The following CA10 variants were observed in gnomAD, a reference collection of about 807,000 sequenced individuals.
The protein encoded by CA10 is carbonic anhydrase-related protein 10.
CA10 carries 14 observed loss-of-function variants against 44.2 expected under a neutral mutation model. The ratio of observed to expected loss-of-function variants is 0.32; its 90% CI spans 0.21 to 0.50. CA10 has a LOEUF of 0.50. Among genes scored for constraint, CA10 ranks in the 20% least tolerant of loss-of-function variants. The probability of loss-of-function intolerance (pLI) is 0.99; values close to 1 mark genes in which losing one functional copy is unlikely to be tolerated. For missense variants in CA10, 350 were observed against 409.7 expected, an observed-to-expected ratio of 0.85 and a Z score of 1.26; for synonymous variants, 159 against 141.6, an observed-to-expected ratio of 1.12 and a Z score of -0.87.
At chr17:52,088,350 A>T (rs1988173398) in intron 1 of CA10, among the ~76,000 whole-genome samples, 1 of 152,210 alleles carries the variant, frequency 6.6e-6, no homozygotes, top group African/African-American at 2.4e-5. Context: ...TAAATATCAC[A>T]TGCAGTCATT....
At chr17:51,893,161 A>C (rs1378025670) in intron 3 of CA10, among the ~76,000 whole-genome samples, 1 of 152,198 alleles carries the variant, frequency 6.6e-6, no homozygotes, top group Non-Finnish European at 1.5e-5. Flanking sequence ...ACATAAACAA[A>C]TATGTGATAT....
intron 2 of CA10, among the ~76,000 whole-genome samples, chr17:52,007,323 T>C (rs1783728835): frequency 6.6e-6 from 1 of 151,700 alleles, no homozygotes; most frequent in Non-Finnish European, 1.5e-5. Context: ...TACCTGTCTT[T>C]AATGGAAAAA....
intron 2 of CA10, among the ~76,000 whole-genome samples, chr17:52,013,235 G>C (rs1457178450): frequency 2.6e-5 from 4 of 151,896 alleles, no homozygotes; most frequent in African/African-American, 4.8e-5. Flanking sequence ...TGTAGGAGTA[G>C]TCAGAAGCTA....
intron 4 of CA10, among the ~76,000 whole-genome samples, chr17:51,722,474 T>C (rs990946557): frequency 6.6e-6 from 1 of 152,238 alleles, no homozygotes; most frequent in Admixed American, 6.5e-5. Flanking sequence ...ATGTGTTTTC[T>C]AAGTTTTCTT....
chr17:51,956,687 G>C (rs1215508108), intron 2 of CA10, among the ~76,000 whole-genome samples: 2 of 152,126 alleles, frequency 1.3e-5, no homozygotes, highest in Non-Finnish European at 2.9e-5. Flanking sequence ...TAAGCCCTTA[G>C]GGTAGAAAAG....
chr17:51,763,629 T>C (rs1441068618), intron 3 of CA10, among the ~76,000 whole-genome samples: 1 of 152,212 alleles, frequency 6.6e-6, no homozygotes, highest in Non-Finnish European at 1.5e-5. Flanking sequence ...TTCCACTCGA[T>C]GAGGTGATTT....
At chr17:51,739,959 G>A (rs184737057) in intron 4 of CA10, among the ~76,000 whole-genome samples, 175 of 152,144 alleles carry the variant, frequency 1.2e-3, no homozygotes, top group Non-Finnish European at 1.2e-3. Flanking sequence ...TGGTACACAG[G>A]TTCTCAATTG....
At chr17:52,051,524 A>T (rs1320125997) in intron 2 of CA10, among the ~76,000 whole-genome samples, 1 of 152,052 alleles carries the variant, frequency 6.6e-6, no homozygotes. Flanking sequence ...TGCAGCCAAC[A>T]AGTCTACAAA....
At chr17:51,677,743 G>C (rs1422724671) in intron 4 of CA10, among the ~76,000 whole-genome samples, 1 of 152,100 alleles carries the variant, frequency 6.6e-6, no homozygotes, top group East Asian at 1.9e-4. Context: ...CTTGGCTCTA[G>C]ATGTTTGTCA....
chr17:52,155,768 T>G (rs1948406804), intron 1 of CA10, among the ~76,000 whole-genome samples: 1 of 152,260 alleles, frequency 6.6e-6, no homozygotes, highest in African/African-American at 2.4e-5. Flanking sequence ...CAATTTTGCT[T>G]ACACTTTTAT....
intron 2 of CA10, among the ~76,000 whole-genome samples, chr17:51,943,871 A>G (rs1983176541): frequency 6.6e-6 from 1 of 152,176 alleles, no homozygotes; most frequent in African/African-American, 2.4e-5. Flanking sequence ...TAAAGGGAAA[A>G]ACACATCGAC....
rs184277601 is a variant in CA10 at position 52,017,407 on chromosome 17, A to G, written c.136+54912T>C. Reference sequence around the variant, plus strand: ...AATTAAGTCTCATATGAAAATGAGGAAGTTATTGGGATCTGGAATAAAGTT... The same window carrying G: ...AATTAAGTCTCATATGAAAATGAGGGAGTTATTGGGATCTGGAATAAAGTT... On this transcript the variant is annotated intron_variant, in intron 2 of 8. Coordinates refer to ENST00000451037, the MANE Select transcript of CA10 (RefSeq NM_020178.5). Among the ~76,000 whole-genome samples, 203 of 152,230 alleles carry G rather than the reference A, an allele frequency of 1.3e-3. No individual in the cohort carries two copies. The Middle Eastern group carries it at 0.02, about 15-fold the overall frequency.
intron 3 of CA10, among the ~76,000 whole-genome samples, chr17:51,887,397 C>T (rs183136260): frequency 7.9e-5 from 12 of 152,222 alleles, no homozygotes; most frequent in East Asian, 7.7e-4. Flanking sequence ...TGAAGGCAGG[C>T]GGGGACTCTG....
intron 2 of CA10, among the ~76,000 whole-genome samples, chr17:51,993,226 TGTTGTC>T (rs1985107329): frequency 6.6e-6 from 1 of 152,114 alleles, no homozygotes; most frequent in Non-Finnish European, 1.5e-5. Context: ...TCCAAGCTCC[TGTTGTC>T]GTTAATACTG....
chr17:52,006,997 T>C (rs981330061), intron 2 of CA10, among the ~76,000 whole-genome samples: 4 of 151,748 alleles, frequency 2.6e-5, no homozygotes, highest in African/African-American at 9.7e-5. Flanking sequence ...ATTATGTACA[T>C]AGTTAGAGGT....
intron 1 of CA10, among the ~76,000 whole-genome samples, chr17:52,146,279 G>A (rs1230608060): frequency 2.0e-5 from 3 of 152,164 alleles, no homozygotes; most frequent in African/African-American, 7.2e-5. Context: ...GATGTGGCTG[G>A]CTGGGCACTT....
intron 2 of CA10, among the ~76,000 whole-genome samples, chr17:52,011,168 C>T (rs937188284): frequency 1.3e-5 from 2 of 152,050 alleles, no homozygotes; most frequent in Non-Finnish European, 2.9e-5. Context: ...ACATATGCTC[C>T]TAATACCATA....
intron 4 of CA10, among the ~76,000 whole-genome samples, chr17:51,724,675 C>G (rs1004821412): frequency 6.6e-6 from 1 of 152,184 alleles, no homozygotes; most frequent in African/African-American, 2.4e-5. Flanking sequence ...AAACAATTAT[C>G]TGCTCTCTAA....
intron 3 of CA10, among the ~76,000 whole-genome samples, chr17:51,883,792 A>AT (rs952858795): frequency 1.2e-4 from 19 of 152,100 alleles, no homozygotes; most frequent in African/African-American, 4.3e-4. Context: ...AATATCATCT[A>AT]TGTTAAATAC....
Sources: gnomAD v4.1 joint callset for allele counts (sites outside exome capture counted in the v4.1 genomes callset) on GRCh38, gnomAD v4.1.1 for gene constraint, MANE v1.5 for transcripts, NCBI Gene and HGNC (gene_info 2026-07-23, HGNC 2026-07-21) for gene names.